NTM: variants seen among roughly 807,000 people sequenced by gnomAD.
The protein encoded by NTM is IgLON family member 2.
NTM carries 13 observed loss-of-function variants against 42.1 expected under a neutral mutation model. That is an observed-to-expected ratio of 0.31 (90% CI 0.20 to 0.49). NTM has a LOEUF of 0.49. Ranked by LOEUF, NTM falls within the 20% of genes least tolerant of loss-of-function variation. The pLI is 0.99. For synonymous variants in NTM, 187 were observed against 179.2 expected (o/e 1.04, Z -0.35); for missense variants, 373 against 452.8 (o/e 0.82, Z 1.60).
intron 1 of NTM, among the ~76,000 whole-genome samples, chr11:131,560,044 G>A (rs1397003894): frequency 6.6e-6 from 1 of 152,158 alleles, no homozygotes; most frequent in Non-Finnish European, 1.5e-5. Context: ...ATTTAAAACA[G>A]GAAACAGCAA....
intron 3 of NTM, among the ~76,000 whole-genome samples, chr11:132,148,101 C>G (rs1390745105): frequency 7.9e-5 from 12 of 152,146 alleles, no homozygotes; most frequent in African/African-American, 2.9e-4. Flanking sequence ...TTATATTTTG[C>G]TTACTCTTTC....
intron 1 of NTM, among the ~76,000 whole-genome samples, chr11:131,757,219 C>T (rs1381285603): frequency 6.6e-6 from 1 of 152,226 alleles, no homozygotes; most frequent in East Asian, 1.9e-4. Context: ...GCTCTTGCCA[C>T]CAGAAAGATC....
intron 2 of NTM, among the ~76,000 whole-genome samples, chr11:132,109,634 C>T (rs889988542): frequency 6.6e-6 from 1 of 152,038 alleles, no homozygotes; most frequent in Non-Finnish European, 1.5e-5. Context: ...CCCCTACTTT[C>T]CCCTCACCTC....
At chr11:132,071,508 C>T (rs1009411074) in intron 2 of NTM, among the ~76,000 whole-genome samples, 2 of 152,206 alleles carry the variant, frequency 1.3e-5, no homozygotes, top group African/African-American at 4.8e-5. Flanking sequence ...ATGTTCCCTT[C>T]CTATCAGTGA....
At chr11:131,784,047 A>C (rs1327803144) in intron 1 of NTM, among the ~76,000 whole-genome samples, 1 of 152,182 alleles carries the variant, frequency 6.6e-6, no homozygotes, top group Non-Finnish European at 1.5e-5. Context: ...CTCAACATCA[A>C]GCAAGTCAAA....
chr11:131,700,097 A>G (rs2075922707), intron 1 of NTM, among the ~76,000 whole-genome samples: 1 of 152,148 alleles, frequency 6.6e-6, no homozygotes, highest in South Asian at 2.1e-4. Flanking sequence ...GCACAAACTC[A>G]TGTTATGTTC....
intron 2 of NTM, among the ~76,000 whole-genome samples, chr11:131,951,435 T>C (rs1425550588): frequency 1.3e-5 from 2 of 152,180 alleles, no homozygotes; most frequent in African/African-American, 2.4e-5. Context: ...CAGCCTTCTC[T>C]GAAGCAGATG....
intron 1 of NTM, among the ~76,000 whole-genome samples, chr11:131,899,447 G>T (rs893610527): frequency 6.6e-6 from 1 of 152,150 alleles, no homozygotes; most frequent in Non-Finnish European, 1.5e-5. Context: ...GGTGAGAGAA[G>T]GGCGAGATAA....
intron 1 of NTM, among the ~76,000 whole-genome samples, chr11:131,905,729 G>C (rs1480555827): frequency 6.6e-6 from 1 of 152,062 alleles, no homozygotes; most frequent in Non-Finnish European, 1.5e-5. Context: ...ACTTCATGCA[G>C]GGGAGGCCCA....
At chr11:132,177,806 G>A (rs939420789) in intron 3 of NTM, among the ~76,000 whole-genome samples, 7 of 152,220 alleles carry the variant, frequency 4.6e-5, no homozygotes, top group African/African-American at 1.4e-4. Flanking sequence ...TCTGTCGTAT[G>A]ACTATGACTA....
intron 2 of NTM, among the ~76,000 whole-genome samples, chr11:131,965,538 ATAT>A (rs1403962324): frequency 2.6e-5 from 4 of 152,208 alleles, no homozygotes; most frequent in Non-Finnish European, 5.9e-5. Context: ...TTATTACATA[ATAT>A]TTAGACTAAT....
chr11:131,954,765 G>A (rs2061389056), intron 2 of NTM, among the ~76,000 whole-genome samples: 1 of 152,092 alleles, frequency 6.6e-6, no homozygotes, highest in South Asian at 2.1e-4. Context: ...TAGTGTATAT[G>A]CTTCTGTCGG....
At chr11:131,748,733 C>A (rs2082126527) in intron 1 of NTM, among the ~76,000 whole-genome samples, 1 of 152,166 alleles carries the variant, frequency 6.6e-6, no homozygotes, top group Non-Finnish European at 1.5e-5. Context: ...ATCCGATGTG[C>A]TTTTTCAGAA....
At chr11:131,474,136 A>G (rs527978138) in intron 1 of NTM, among the ~76,000 whole-genome samples, 1 of 152,178 alleles carries the variant, frequency 6.6e-6, no homozygotes, top group South Asian at 2.1e-4. Context: ...ACTCTTATTC[A>G]AGTCAGAAAT....
intron 2 of NTM, among the ~76,000 whole-genome samples, chr11:132,092,412 G>T (rs1027184235): frequency 1.3e-5 from 2 of 152,118 alleles, no homozygotes; most frequent in African/African-American, 4.8e-5. Context: ...TTCCAAGGGG[G>T]AACTTTGCAC....
At chr11:131,378,607 T>C (rs955704691) in intron 1 of NTM, among the ~76,000 whole-genome samples, 7 of 152,168 alleles carry the variant, frequency 4.6e-5, no homozygotes, top group Non-Finnish European at 8.8e-5. Flanking sequence ...TAACTTGTCA[T>C]GGGTAGGGGG....
At chr11:132,082,976 G>T (rs560765445) in intron 2 of NTM, among the ~76,000 whole-genome samples, 1 of 152,168 alleles carries the variant, frequency 6.6e-6, no homozygotes, top group Non-Finnish European at 1.5e-5. Context: ...AGATTTGGGT[G>T]CATGGCCCTT....
chr11:131,441,255 A>G (rs1246451399), intron 1 of NTM, among the ~76,000 whole-genome samples: 2 of 152,308 alleles, frequency 1.3e-5, no homozygotes, highest in East Asian at 1.9e-4. Flanking sequence ...TGAATGTGCC[A>G]TTATCCTAAT....
intron 1 of NTM, among the ~76,000 whole-genome samples, chr11:131,486,327 A>G (rs1370520693): frequency 8.5e-5 from 13 of 152,224 alleles, no homozygotes; most frequent in Admixed American, 8.5e-4. Context: ...TCCAGGCAGC[A>G]GAGTCATCTA....
Sources: gnomAD v4.1 joint callset for allele counts (sites outside exome capture counted in the v4.1 genomes callset) on GRCh38, gnomAD v4.1.1 for gene constraint, MANE v1.5 for transcripts, NCBI Gene and HGNC (gene_info 2026-07-23, HGNC 2026-07-21) for gene names.